Variants in FRMD5 observed in about 807,000 individuals in gnomAD.
FRMD5 encodes FERM domain-containing protein 5.
FRMD5 carries 20 observed loss-of-function variants against 69.0 expected under a neutral mutation model. That is an observed-to-expected ratio of 0.29 (90% CI 0.20 to 0.42). The LOEUF is 0.42. Among genes scored for constraint, FRMD5 ranks in the 10% least tolerant of loss-of-function variants. The pLI is 1.00. For synonymous variants in FRMD5, 271 were observed against 260.1 expected (o/e 1.04, Z -0.40); for missense variants, 595 against 708.6 (o/e 0.84, Z 1.82).
chr15:44,196,689 ATTT>A (rs374948519), upstream of FRMD5, among the ~76,000 whole-genome samples: 3 of 121,048 alleles, frequency 2.5e-5, no homozygotes, highest in Non-Finnish European at 3.2e-5. Flanking sequence ...ATTTTCCCCA[ATTT>A]TTTTTTTTTT....
chr15:44,128,567 G>A (rs1261672616), intron 1 of FRMD5, among the ~76,000 whole-genome samples: 1 of 152,170 alleles, frequency 6.6e-6, no homozygotes, highest in African/African-American at 2.4e-5. Flanking sequence ...AAGATATATG[G>A]TAGGCATACA....
At chr15:44,064,771 A>G (rs1328539194) in intron 1 of FRMD5, among the ~76,000 whole-genome samples, 2 of 152,222 alleles carry the variant, frequency 1.3e-5, no homozygotes, top group Non-Finnish European at 2.9e-5. Flanking sequence ...ACCAAATAAC[A>G]AGTCCCTTTT....
At chr15:44,065,840 T>A (rs1893287105) in intron 1 of FRMD5, among the ~76,000 whole-genome samples, 1 of 152,214 alleles carries the variant, frequency 6.6e-6, no homozygotes, top group Admixed American at 6.5e-5. Context: ...TCTCCATAAT[T>A]GGGAGATGAA....
intron 1 of FRMD5, among the ~76,000 whole-genome samples, chr15:43,933,222 G>T (rs1429094854): frequency 6.6e-6 from 1 of 152,188 alleles, no homozygotes; most frequent in East Asian, 1.9e-4. Context: ...TCCAATAGTG[G>T]TTGTCCCACT....
In FRMD5 at chr15:43,873,140, A is replaced by C. The variant is rs1370836124; in HGVS notation, c.*745T>G. Reference sequence around the variant, plus strand: ...ATTATACAAAACTATGGTGATGCCCACTAGGCTCTAGACTAAGGGGACAGA... The same window carrying C: ...ATTATACAAAACTATGGTGATGCCCCCTAGGCTCTAGACTAAGGGGACAGA... On this transcript the variant is annotated 3_prime_UTR_variant, in exon 14 of 14. Coordinates refer to ENST00000417257, the MANE Select transcript of FRMD5 (RefSeq NM_032892.5). 1 of 1,538,646 alleles carries C rather than the reference A, an allele frequency of 6.5e-7. No individual in the cohort carries two copies. The highest frequency in any genetic ancestry group is 1.4e-5 in the African/African-American group (1 of 72,664).
chr15:44,169,839 T>C (rs2077770240), intron 1 of FRMD5, among the ~76,000 whole-genome samples: 1 of 152,198 alleles, frequency 6.6e-6, no homozygotes, highest in Non-Finnish European at 1.5e-5. Flanking sequence ...TACTTAGGTA[T>C]AATACTACTG....
At chr15:43,998,323 GAAGAC>G (rs1300575099) in intron 1 of FRMD5, among the ~76,000 whole-genome samples, 1 of 152,172 alleles carries the variant, frequency 6.6e-6, no homozygotes, top group East Asian at 1.9e-4. Flanking sequence ...ACATATCCTG[GAAGAC>G]AAGTAAAGAA....
intron 1 of FRMD5, chr15:43,989,030 A>C (rs1566882429): frequency 7.3e-6 from 6 of 823,730 alleles, no homozygotes; most frequent in Non-Finnish European, 1.3e-5. Context: ...TTTGTCAAGA[A>C]AGGGTGTAAC....
At position 43,879,627 on chromosome 15, in the gene FRMD5, T is replaced by C. The variant is rs184782020; in HGVS notation, c.1135+4076A>G. On this transcript the variant is annotated intron_variant, in intron 13 of 13. Transcript: ENST00000417257. Reference sequence around the variant, plus strand: ...AAAGCAGTGATTAGTCAGCCGGAGCTGGACCCGGACTCTGGTGTGAATCTT... The same window carrying C: ...AAAGCAGTGATTAGTCAGCCGGAGCCGGACCCGGACTCTGGTGTGAATCTT... 97 of 399,168 alleles carry C rather than the reference T, an allele frequency of 2.4e-4. No homozygotes were observed. In the East Asian group the frequency reaches 3.2e-3, roughly 13 times the overall value. 24.7% of individuals were successfully genotyped at this position (399,168 alleles called of 1,614,324 possible). A position where few individuals can be genotyped will look rare whatever the true frequency, so the allele number is the denominator to read the frequency against.
intron 1 of FRMD5, among the ~76,000 whole-genome samples, chr15:43,993,271 C>T (rs1028419074): frequency 6.6e-6 from 1 of 152,246 alleles, no homozygotes; most frequent in South Asian, 2.1e-4. Context: ...CGGCTCACTG[C>T]AACCTGGAAC....
intron 1 of FRMD5, among the ~76,000 whole-genome samples, chr15:44,133,156 G>A (rs1321210058): frequency 2.0e-5 from 3 of 151,822 alleles, no homozygotes; most frequent in Non-Finnish European, 4.4e-5. Flanking sequence ...GGAGATTGCA[G>A]TGAGCTGAGA....
intron 1 of FRMD5, among the ~76,000 whole-genome samples, chr15:44,138,269 A>G (rs1305788399): frequency 6.6e-6 from 1 of 152,238 alleles, no homozygotes; most frequent in Non-Finnish European, 1.5e-5. Flanking sequence ...AGTATTTAGA[A>G]TTCTCAAAGG....
At chr15:44,039,138 C>G (rs1052220054) in intron 1 of FRMD5, among the ~76,000 whole-genome samples, 2 of 152,228 alleles carry the variant, frequency 1.3e-5, no homozygotes, top group Admixed American at 6.5e-5. Context: ...CCTCTCTAGG[C>G]AGGGCATCTC....
intron 1 of FRMD5, among the ~76,000 whole-genome samples, chr15:44,155,240 T>C (rs2140483434): frequency 6.6e-6 from 1 of 152,160 alleles, no homozygotes; most frequent in East Asian, 1.9e-4. Flanking sequence ...AAGACCATCC[T>C]GGCCAACACG....
chr15:43,989,824 G>C (rs1187954704), intron 1 of FRMD5: 1 of 1,030,690 alleles, frequency 9.7e-7, no homozygotes, highest in Non-Finnish European at 1.5e-6. Flanking sequence ...CATGATCTGG[G>C]TCATCTTCTT....
rs1555465599 is a variant in FRMD5 at position 43,875,363 on chromosome 15, A to AT, written c.1136-902_1136-901insA. 4.6e-3 allele frequency among the ~76,000 whole-genome samples: 489 copies of AT among 105,266 alleles called. 4 individuals are homozygous for AT. Among genetic ancestry groups the AT allele is most frequent in the African/African-American group, 0.014 (348 of 24,734 alleles). The allele number at this position is 105,266 out of a possible 152,430, so 69.1% of individuals were successfully genotyped here. ...AAGACTGTCTCAAAAAAAAAAAAAA[A>AT]ATATATATATATATATATATATATA... On this transcript the variant is annotated intron_variant, in intron 13 of 13. Coordinates refer to ENST00000417257, the MANE Select transcript of FRMD5 (RefSeq NM_032892.5).
chr15:44,085,313 A>G (rs143921289), intron 1 of FRMD5, among the ~76,000 whole-genome samples: 86 of 152,280 alleles, frequency 5.6e-4, no homozygotes, highest in African/African-American at 2.0e-3. Context: ...GACAAGAAAT[A>G]TAAAAAAGAC....
At chr15:43,987,507 G>A (rs1376582495) in intron 1 of FRMD5, among the ~76,000 whole-genome samples, 2 of 152,220 alleles carry the variant, frequency 1.3e-5, no homozygotes, top group African/African-American at 2.4e-5. Flanking sequence ...AGGGGGTTTC[G>A]GGATGATTCC....
chr15:43,975,699 A>G (rs1352402225), intron 1 of FRMD5, among the ~76,000 whole-genome samples: 2 of 152,224 alleles, frequency 1.3e-5, no homozygotes, highest in Non-Finnish European at 2.9e-5. Context: ...ATTCTCCCCA[A>G]ATTGGTCTAT....
Sources: gnomAD v4.1 joint callset for allele counts (sites outside exome capture counted in the v4.1 genomes callset) on GRCh38, gnomAD v4.1.1 for gene constraint, MANE v1.5 for transcripts, NCBI Gene and HGNC (gene_info 2026-07-23, HGNC 2026-07-21) for gene names.